PCP4: variants seen among roughly 807,000 people sequenced by gnomAD.
PCP4 encodes Purkinje cell protein 4.
A neutral mutation model predicts 10.0 loss-of-function variants in PCP4; 8 were observed. The ratio of observed to expected loss-of-function variants is 0.80; its 90% confidence interval spans 0.47 to 1.45. The LOEUF (loss-of-function observed/expected upper bound fraction) is 1.45, where lower values mean the gene tolerates loss of function less well. Ranked by LOEUF, PCP4 falls within the 40% of genes most tolerant of loss-of-function variation. PCP4 has a pLI of 0.00. For missense variants in PCP4, 54 were observed against 74.4 expected (o/e 0.73, Z 1.01); for synonymous variants, 21 against 23.0 (o/e 0.91, Z 0.24).
intron 1 of PCP4, among the ~76,000 whole-genome samples, chr21:39,869,558 C>T (rs1173365646): frequency 6.6e-6 from 1 of 152,194 alleles, no homozygotes; most frequent in Non-Finnish European, 1.5e-5. Flanking sequence ...CATCCTCCCT[C>T]CTGCCCTCTT....
chr21:39,900,488 G>A (rs964785173), intron 2 of PCP4, among the ~76,000 whole-genome samples: 7 of 152,172 alleles, frequency 4.6e-5, no homozygotes, highest in Non-Finnish European at 1.5e-5. Flanking sequence ...CCTGGAGCCA[G>A]TGAACAAGAC....
rs547810999 is a variant in PCP4, at chr21:39,893,045, G to A, written c.10-5431G>A. ...GGATGGTTACCCTCCGGGGCTGGGA[G>A]GATCAGCATTTGGTTATACCTCTCA... On this transcript the variant is annotated intron_variant, in intron 1 of 2. Coordinates refer to ENST00000328619, the MANE Select transcript of PCP4 (RefSeq NM_006198.3). 3.3e-5 allele frequency among the ~76,000 whole-genome samples: 5 copies of A among 152,214 alleles called. No individual in the cohort carries two copies. In the East Asian group the frequency reaches 9.7e-4, roughly 29 times the overall value.
intron 1 of PCP4, among the ~76,000 whole-genome samples, chr21:39,870,082 G>A (rs553669158): frequency 3.3e-5 from 5 of 152,318 alleles, no homozygotes; most frequent in East Asian, 1.9e-4. Context: ...TATACTCCCC[G>A]GGGCCTGCTC....
At chr21:39,871,538 TGCAGC>T (rs2087319998) in intron 1 of PCP4, among the ~76,000 whole-genome samples, 1 of 152,242 alleles carries the variant, frequency 6.6e-6, no homozygotes, top group African/African-American at 2.4e-5. Flanking sequence ...AGGGTGTACC[TGCAGC>T]AAGGACTCTG....
At chr21:39,925,517 A>G (rs993580221) in intron 2 of PCP4, among the ~76,000 whole-genome samples, 4 of 152,266 alleles carry the variant, frequency 2.6e-5, no homozygotes, top group African/African-American at 9.6e-5. Context: ...CTCACGCTCT[A>G]GCGTAGAAGA....
intron 1 of PCP4, among the ~76,000 whole-genome samples, chr21:39,875,619 A>T (rs763642483): frequency 1.3e-5 from 2 of 152,196 alleles, no homozygotes; most frequent in Non-Finnish European, 2.9e-5. Context: ...GGTTGCTCTA[A>T]CAACAACTGT....
intron 1 of PCP4, among the ~76,000 whole-genome samples, chr21:39,887,354 T>C (rs1568852486): frequency 1.5e-5 from 2 of 134,594 alleles, no homozygotes; most frequent in Non-Finnish European, 1.6e-5. Flanking sequence ...TTTTGTTTTT[T>C]GGTTTTTTTT....
At chr21:39,911,441 C>A (rs2087539557) in intron 2 of PCP4, among the ~76,000 whole-genome samples, 1 of 151,964 alleles carries the variant, frequency 6.6e-6, no homozygotes, top group Non-Finnish European at 1.5e-5. Context: ...CAGGTGTAGA[C>A]AACAGTGGTC....
intron 1 of PCP4, among the ~76,000 whole-genome samples, chr21:39,880,116 C>A (rs1309767866): frequency 1.4e-5 from 2 of 147,706 alleles, no homozygotes; most frequent in African/African-American, 5.3e-5. Flanking sequence ...CTATCTATAT[C>A]TATATCTATA....
Position 39,928,983 on chromosome 21 carries a change from G to A in PCP4, c.62-1G>A. On this transcript the variant is annotated splice_acceptor_variant, in intron 2 of 2. Coordinates refer to ENST00000328619, the MANE Select transcript of PCP4 (RefSeq NM_006198.3). LOFTEE classifies it high-confidence loss of function. Reference sequence around the variant, plus strand: ...TTCTGTTTGTGTTTGTCTTGCTACAGATGGACAGAAGAAAGTTCAAGAAGA... The same window carrying A: ...TTCTGTTTGTGTTTGTCTTGCTACAAATGGACAGAAGAAAGTTCAAGAAGA... The A allele has an allele frequency of 6.2e-7, 1 of 1,612,578 alleles. No homozygotes were observed. The highest frequency in any genetic ancestry group is 8.5e-7 in the Non-Finnish European group (1 of 1,179,278).
intron 2 of PCP4, among the ~76,000 whole-genome samples, chr21:39,903,878 A>AAC (rs2087493887): frequency 1.5e-5 from 2 of 133,116 alleles, no homozygotes; most frequent in Non-Finnish European, 3.2e-5. Context: ...AAAAAAAACA[A>AAC]AAAAAAAAAA....
In PCP4 at chr21:39,887,369, T is replaced by TA. The variant is rs1323929011; in HGVS notation, c.10-11101dup. Among the ~76,000 whole-genome samples the TA allele has an allele frequency of 6.6e-5, 10 of 150,390 alleles. No individual in the cohort carries two copies. The South Asian group carries it at 1.3e-3, about 19-fold the overall frequency. On this transcript the variant is annotated intron_variant, in intron 1 of 2. Transcript: ENST00000328619. ...TTTTGTTTTTTGGTTTTTTTTTTTT[T>TA]AAAAAACCTTCTAGCTGAAGTTTTC...
At chr21:39,895,467 G>T (rs186882728) in intron 1 of PCP4, among the ~76,000 whole-genome samples, 1 of 152,132 alleles carries the variant, frequency 6.6e-6, no homozygotes, top group South Asian at 2.1e-4. Context: ...CTCCCCACCC[G>T]CTGATAGAGG....
chr21:39,920,300 G>A (rs547719535), intron 2 of PCP4, among the ~76,000 whole-genome samples: 22 of 122,822 alleles, frequency 1.8e-4, no homozygotes, highest in African/African-American at 6.5e-4. Context: ...TGTGTGTGTG[G>A]TGTGTATTTG....
chr21:39,926,195 A>G, intron 2 of PCP4: 1 of 354,382 alleles, frequency 2.8e-6, no homozygotes, highest in East Asian at 7.8e-5. Flanking sequence ...CTTAAATGTT[A>G]GTGGTTTCTT....
intron 2 of PCP4, among the ~76,000 whole-genome samples, chr21:39,903,114 C>A (rs2146339800): frequency 6.6e-6 from 1 of 152,244 alleles, no homozygotes; most frequent in South Asian, 2.1e-4. Flanking sequence ...TATTGACACA[C>A]AAAAGCAGAA....
chr21:39,908,666 G>A (rs1314045317), intron 2 of PCP4, among the ~76,000 whole-genome samples: 3 of 152,054 alleles, frequency 2.0e-5, no homozygotes, highest in Non-Finnish European at 2.9e-5. Flanking sequence ...CAGCTGCCTC[G>A]GCCCAAAGGA....
At chr21:39,910,395 C>T (rs920943906) in intron 2 of PCP4, among the ~76,000 whole-genome samples, 2 of 152,096 alleles carry the variant, frequency 1.3e-5, no homozygotes, top group South Asian at 4.2e-4. Flanking sequence ...CTTCAAGTTT[C>T]GCTCTTTCCA....
chr21:39,913,530 T>C (rs1443393701), intron 2 of PCP4, among the ~76,000 whole-genome samples: 1 of 152,262 alleles, frequency 6.6e-6, no homozygotes, highest in African/African-American at 2.4e-5. Context: ...TTTGAAAATA[T>C]GGGACTTCAG....
Sources: allele counts gnomAD v4.1 joint callset (sites outside exome capture counted in the v4.1 genomes callset), GRCh38; gene constraint gnomAD v4.1.1; transcripts MANE v1.5; gene names NCBI Gene and HGNC (gene_info 2026-07-23, HGNC 2026-07-21).